EIF4E: variants seen among roughly 807,000 people sequenced by gnomAD.
EIF4E encodes eIF-4F 25 kDa subunit.
For synonymous variants in EIF4E, 71 were observed against 88.5 expected, an observed-to-expected ratio of 0.80 and a Z score of 1.11; for missense variants, 113 against 265.6, an observed-to-expected ratio of 0.43 and a Z score of 3.99.
At position 98,896,738 on chromosome 4, in the gene EIF4E, G is replaced by A. The variant is rs114945688; in HGVS notation, c.125+5138C>T. Among the ~76,000 whole-genome samples the A allele has an allele frequency of 2.4e-3, 361 of 149,076 alleles. 2 individuals carry two copies. The highest frequency in any genetic ancestry group is 7.2e-3 in the African/African-American group (294 of 40,660). ...CATGCCTGTAATCCCAGTATTTTGC[G>A]AGGCCGAGGTGGATGAATTGCTTGA... is the stretch of plus-strand genomic sequence containing the variant. On this transcript the variant is annotated intron_variant, in intron 2 of 6. Transcript: ENST00000450253.
At chr4:98,916,029 A>G (rs1173611481) in intron 1 of EIF4E, among the ~76,000 whole-genome samples, 1 of 151,414 alleles carries the variant, frequency 6.6e-6, no homozygotes, top group East Asian at 2.0e-4. Context: ...CGTCTCTACT[A>G]AAAATATAAA....
At chr4:98,908,115 T>C (rs1410345829) in intron 1 of EIF4E, among the ~76,000 whole-genome samples, 1 of 152,174 alleles carries the variant, frequency 6.6e-6, no homozygotes, top group African/African-American at 2.4e-5. Flanking sequence ...GCTCTCTAAA[T>C]TATTGTCCTG....
Position 98,925,326 on chromosome 4 carries a change from T to A in EIF4E, c.18+3769A>T, listed in dbSNP as rs187716464. Among the ~76,000 whole-genome samples the A allele has an allele frequency of 3.5e-3, 529 of 152,126 alleles. 3 individuals are homozygous for A. Among genetic ancestry groups the A allele is most frequent in the African/African-American group, 0.012 (493 of 41,474 alleles). ...AAAGGAACTACAAGTCAAAAAAAAA[T>A]TTTTTTAATTCTAATAATGAACGAT... is the stretch of plus-strand genomic sequence containing the variant. On this transcript the variant is annotated intron_variant, in intron 1 of 6. Coordinates refer to ENST00000450253, the MANE Select transcript of EIF4E (RefSeq NM_001968.5).
At chr4:98,901,136 T>C (rs1724627702) in intron 2 of EIF4E, among the ~76,000 whole-genome samples, 1 of 152,200 alleles carries the variant, frequency 6.6e-6, no homozygotes, top group South Asian at 2.1e-4. Flanking sequence ...TTTTAGCACA[T>C]GTGCTGTAAA....
chr4:98,897,502 G>A (rs1724458410), intron 2 of EIF4E, among the ~76,000 whole-genome samples: 1 of 152,046 alleles, frequency 6.6e-6, no homozygotes, highest in South Asian at 2.1e-4. Context: ...GGAGGCGGAG[G>A]TTGCAGTGAG....
chr4:98,903,994 G>A lies in EIF4E; in HGVS notation c.19-2012C>T, dbSNP rs1022212285. Among the ~76,000 whole-genome samples, 12 of 152,164 alleles carry A rather than the reference G, an allele frequency of 7.9e-5. No individual in the cohort carries two copies. The East Asian group carries it at 2.3e-3, about 29-fold the overall frequency. ...ACTGGCAGGCAGGTAGGCTTTGGGG[G>A]ACAGGGTACCAGAGAAAAACTGCTG... On this transcript the variant is annotated intron_variant, in intron 1 of 6. Transcript: ENST00000450253.
chr4:98,921,050 A>G (rs1238807033), intron 1 of EIF4E, among the ~76,000 whole-genome samples: 4 of 152,200 alleles, frequency 2.6e-5, no homozygotes, highest in Non-Finnish European at 1.5e-5. Flanking sequence ...AAAATTAAAA[A>G]AAAATTTTAT....
chr4:98,885,150 A>T (rs555608209), intron 5 of EIF4E, 89 bp from the exon 6 acceptor site: 1 of 1,456,082 alleles, frequency 6.9e-7, no homozygotes, highest in East Asian at 2.5e-5. Flanking sequence ...ATAGAAACTA[A>T]AGGCAGTTTT....
chr4:98,925,605 A>G (rs999263993), intron 1 of EIF4E, among the ~76,000 whole-genome samples: 1 of 152,210 alleles, frequency 6.6e-6, no homozygotes, highest in African/African-American at 2.4e-5. Context: ...TCTTCATGTA[A>G]CTCAACTCAT....
intron 2 of EIF4E, among the ~76,000 whole-genome samples, chr4:98,899,142 C>T (rs1198603092): frequency 6.6e-6 from 1 of 151,718 alleles, no homozygotes; most frequent in Admixed American, 6.6e-5. Context: ...AATACTCCTC[C>T]AACTTCCCTG....
chr4:98,896,705 T>C (rs1173255445), intron 2 of EIF4E, among the ~76,000 whole-genome samples: 2 of 136,028 alleles, frequency 1.5e-5, no homozygotes, highest in Non-Finnish European at 3.1e-5. Context: ...AAGCCAGGCA[T>C]GTTGGTTCAT....
chr4:98,911,584 C>T (rs1354118624), intron 1 of EIF4E, among the ~76,000 whole-genome samples: 1 of 143,712 alleles, frequency 7.0e-6, no homozygotes, highest in African/African-American at 2.6e-5. Flanking sequence ...TCGCTTGAAC[C>T]CGGGAGGCAG....
At chr4:98,924,602 T>A (rs1725791819) in intron 1 of EIF4E, among the ~76,000 whole-genome samples, 1 of 151,966 alleles carries the variant, frequency 6.6e-6, no homozygotes, top group Non-Finnish European at 1.5e-5. Flanking sequence ...TGTTTTTTTT[T>A]TTATTCTTTT....
intron 5 of EIF4E, chr4:98,886,308 C>T (rs959955938): frequency 7.3e-6 from 2 of 275,580 alleles, no homozygotes; most frequent in Non-Finnish European, 1.5e-5. Context: ...ACAGAAAATG[C>T]TTATTATCTC....
intron 1 of EIF4E, among the ~76,000 whole-genome samples, chr4:98,928,233 G>A (rs931597471): frequency 6.6e-6 from 1 of 152,026 alleles, no homozygotes; most frequent in Non-Finnish European, 1.5e-5. Context: ...CAGCAGGTCC[G>A]GCCGGCAAGC....
chr4:98,899,316 T>C (rs1724551820), intron 2 of EIF4E, among the ~76,000 whole-genome samples: 2 of 152,114 alleles, frequency 1.3e-5, no homozygotes, highest in African/African-American at 4.8e-5. Context: ...AAATCATCAA[T>C]ATGAAAATAT....
intron 1 of EIF4E, among the ~76,000 whole-genome samples, chr4:98,911,248 C>A (rs1273262268): frequency 6.6e-6 from 1 of 151,392 alleles, no homozygotes; most frequent in Non-Finnish European, 1.5e-5. Context: ...AGGGGTTTCA[C>A]CATCTTGGCC....
chr4:98,928,792 C>T, intron 1 of EIF4E: 5 of 1,437,366 alleles, frequency 3.5e-6, no homozygotes, highest in Non-Finnish European at 4.6e-6. Context: ...CATACCCAGC[C>T]CAGAACCCCA....
chr4:98,909,677 C>T (rs1161712967), intron 1 of EIF4E: 1 of 711,478 alleles, frequency 1.4e-6, no homozygotes, highest in South Asian at 1.5e-5. Flanking sequence ...AGGCTTATCA[C>T]CTGGGATTCT....
Sources: allele counts gnomAD v4.1 joint callset (sites outside exome capture counted in the v4.1 genomes callset), GRCh38; gene constraint gnomAD v4.1.1; transcripts MANE v1.5; gene names NCBI Gene and HGNC (gene_info 2026-07-23, HGNC 2026-07-21).